The following LONP2 variants were observed in gnomAD, a reference collection of about 807,000 sequenced individuals.
The protein encoded by LONP2 is lon peptidase 2, peroxisomal.
Under a neutral mutation model 85.6 loss-of-function variants are expected in LONP2, and 60 were observed. The ratio of observed to expected loss-of-function variants is 0.70; its 90% CI spans 0.57 to 0.87. The LOEUF is 0.87. Ranked by LOEUF, LONP2 falls within the 40% of genes least tolerant of loss-of-function variation. LONP2 has a pLI of 0.00. For synonymous variants in LONP2, 395 were observed against 389.7 expected (o/e 1.01, Z -0.16); for missense variants, 860 against 1,063.5 (o/e 0.81, Z 2.66).
At chr16:48,247,278 C>G (rs1449700288) in intron 1 of LONP2, 1 of 152,378 alleles carries the variant, frequency 6.6e-6, no homozygotes, top group Non-Finnish European at 1.5e-5. Flanking sequence ...TAGCATTAGC[C>G]TGTTTCCACG....
chr16:48,332,831 C>T (rs928137630), intron 11 of LONP2, among the ~76,000 whole-genome samples: 2 of 152,118 alleles, frequency 1.3e-5, no homozygotes, highest in African/African-American at 4.8e-5. Context: ...TCGCTTGAAC[C>T]CAGGAGGCAG....
chr16:48,321,155 G>T (rs770198923), intron 11 of LONP2, among the ~76,000 whole-genome samples: 10 of 152,136 alleles, frequency 6.6e-5, no homozygotes, highest in African/African-American at 2.4e-4. Context: ...GAAGTGCTGG[G>T]ATTACAGGCG....
At chr16:48,331,566 C>CTTTTT (rs1022632125) in intron 11 of LONP2, among the ~76,000 whole-genome samples, 1 of 139,912 alleles carries the variant, frequency 7.1e-6, no homozygotes, top group African/African-American at 2.6e-5. Flanking sequence ...AAAGGATTTT[C>CTTTTT]TTTTTTTTTT....
chr16:48,271,783 C>T (rs941092005), intron 7 of LONP2, among the ~76,000 whole-genome samples: 1 of 152,080 alleles, frequency 6.6e-6, no homozygotes, highest in Admixed American at 6.6e-5. Context: ...AACAATGAGG[C>T]GTGCAGATCA....
chr16:48,324,364 A>T (rs1486893662), intron 11 of LONP2, among the ~76,000 whole-genome samples: 2 of 152,192 alleles, frequency 1.3e-5, no homozygotes, highest in African/African-American at 4.8e-5. Flanking sequence ...AGATGTAAAC[A>T]TCTCCTCCTC....
chr16:48,258,819 A>C, intron 4 of LONP2, 79 bp downstream of exon 4: 1 of 1,327,058 alleles, frequency 7.5e-7, no homozygotes, highest in Non-Finnish European at 1.0e-6. Flanking sequence ...AGAAAAGTTT[A>C]TTGTCTCCTA....
intron 14 of LONP2, 55 bp downstream of exon 14, chr16:48,348,345 AATATT>A: frequency 8.5e-7 from 1 of 1,182,078 alleles, no homozygotes; most frequent in Non-Finnish European, 1.1e-6. Context: ...TTTGAAAATT[AATATT>A]ATTTTTAAAT....
chr16:48,320,976 C>T (rs1448869952), intron 11 of LONP2, among the ~76,000 whole-genome samples: 4 of 152,178 alleles, frequency 2.6e-5, no homozygotes, highest in Admixed American at 1.3e-4. Context: ...CTCTGTTACC[C>T]GGACTGGAGT....
chr16:48,263,583 A>G (rs1262265108), intron 6 of LONP2, among the ~76,000 whole-genome samples: 3 of 152,054 alleles, frequency 2.0e-5, no homozygotes, highest in African/African-American at 4.8e-5. Flanking sequence ...TCTATACCAC[A>G]TTTTCTTTAT....
At chr16:48,336,444 G>A (rs1274703000) in intron 12 of LONP2, 1 of 456,210 alleles carries the variant, frequency 2.2e-6, no homozygotes, top group East Asian at 6.9e-5. Context: ...CGTGCGGAGA[G>A]ACCACCAAAC....
intron 8 of LONP2, among the ~76,000 whole-genome samples, chr16:48,283,408 T>C (rs917530780): frequency 2.0e-5 from 3 of 152,180 alleles, no homozygotes; most frequent in Non-Finnish European, 4.4e-5. Context: ...CTTCAAAGCT[T>C]CAAAGGGCAG....
chr16:48,316,196 G>A (rs532663330), intron 11 of LONP2, among the ~76,000 whole-genome samples: 3 of 151,556 alleles, frequency 2.0e-5, no homozygotes, highest in South Asian at 2.1e-4. Context: ...TAGTAGAGAC[G>A]GGGTTTCACC....
At chr16:48,280,587 AG>A (rs1283088518) in intron 8 of LONP2, among the ~76,000 whole-genome samples, 11 of 152,350 alleles carry the variant, frequency 7.2e-5, no homozygotes, top group Non-Finnish European at 1.5e-4. Flanking sequence ...TTCAAAAAAA[AG>A]GTATGAAAAC....
At chr16:48,244,642 G>C in intron 1 of LONP2, 21 bp downstream of exon 1, 2 of 1,301,490 alleles carry the variant, frequency 1.5e-6, no homozygotes, top group Non-Finnish European at 9.8e-7. Context: ...CTGCCCCCGC[G>C]GCGGCGGCGG....
At position 48,353,549 on chromosome 16, in the gene LONP2, G is replaced by C. The variant is rs1960225465; in HGVS notation, c.*1747G>C. Reference sequence around the variant, plus strand: ...GCCAAAATACTGTGATAAAATAGCAGGCCTGCTGATAAAAGTTTATCTGAA... The same window carrying C: ...GCCAAAATACTGTGATAAAATAGCACGCCTGCTGATAAAAGTTTATCTGAA... On this transcript the variant is annotated 3_prime_UTR_variant, in exon 15 of 15. Coordinates refer to ENST00000285737, the MANE Select transcript of LONP2 (RefSeq NM_031490.5). The C allele has an allele frequency of 6.6e-6, 1 of 151,756 alleles. No individual in the cohort carries two copies. 9.4% of individuals were successfully genotyped at this position (151,756 alleles called of 1,614,324 possible). A position where few individuals can be genotyped will look rare whatever the true frequency, so the allele number is the denominator to read the frequency against.
chr16:48,328,980 C>T (rs1959349797), intron 11 of LONP2, among the ~76,000 whole-genome samples: 1 of 152,106 alleles, frequency 6.6e-6, no homozygotes, highest in African/African-American at 2.4e-5. Context: ...GATTAGAAAA[C>T]CAGATACAAA....
chr16:48,288,907 GT>G (rs1239442528), intron 8 of LONP2, among the ~76,000 whole-genome samples: 1 of 152,124 alleles, frequency 6.6e-6, no homozygotes, highest in African/African-American at 2.4e-5. Flanking sequence ...ATGTACCAGT[GT>G]GCCCATATCA....
chr16:48,343,874 G>T (rs1345544747), intron 12 of LONP2: 2 of 152,136 alleles, frequency 1.3e-5, no homozygotes, highest in Non-Finnish European at 2.9e-5. Context: ...CATAACAACT[G>T]TACAGGTGGG....
At chr16:48,267,194 T>C (rs1360021371) in intron 6 of LONP2, among the ~76,000 whole-genome samples, 2 of 152,172 alleles carry the variant, frequency 1.3e-5, no homozygotes, top group African/African-American at 4.8e-5. Context: ...GAACTGAAGA[T>C]GAATAAATTA....
Sources: gnomAD v4.1 joint callset for allele counts (sites outside exome capture counted in the v4.1 genomes callset) on GRCh38, gnomAD v4.1.1 for gene constraint, MANE v1.5 for transcripts, NCBI Gene and HGNC (gene_info 2026-07-23, HGNC 2026-07-21) for gene names.